Variants in TRIM24 observed in about 807,000 individuals in gnomAD.
TRIM24 encodes the protein tripartite motif containing 24.
A neutral mutation model predicts 123.9 loss-of-function variants in TRIM24; 29 were observed. That is an observed-to-expected ratio of 0.23 (90% CI 0.17 to 0.32). The LOEUF (loss-of-function observed/expected upper bound fraction) is 0.32, where lower values mean the gene tolerates loss of function less well. Ranked by LOEUF, TRIM24 falls within the 10% of genes least tolerant of loss-of-function variation. The probability of loss-of-function intolerance (pLI) is 1.00; values close to 1 mark genes in which losing one functional copy is unlikely to be tolerated. For synonymous variants in TRIM24, 456 were observed against 461.1 expected (o/e 0.99, Z 0.14); for missense variants, 932 against 1,295.3 (o/e 0.72, Z 4.31).
chr7:138,506,758 G>T (rs1276848523), intron 2 of TRIM24, among the ~76,000 whole-genome samples: 2 of 152,184 alleles, frequency 1.3e-5, no homozygotes, highest in African/African-American at 4.8e-5. Flanking sequence ...CCTAAATGTT[G>T]ATACTGGGCA....
At chr7:138,464,300 T>G (rs1438584760) in intron 1 of TRIM24, among the ~76,000 whole-genome samples, 2 of 151,884 alleles carry the variant, frequency 1.3e-5, no homozygotes, top group Non-Finnish European at 2.9e-5. Flanking sequence ...CCAGCCAAAT[T>G]TAGACATTGC....
chr7:138,566,520 G>T (rs10237069), intron 9 of TRIM24, among the ~76,000 whole-genome samples: 2,775 of 152,048 alleles, frequency 0.018, 70 homozygotes, highest in African/African-American at 0.061. Flanking sequence ...ACAAAAAACA[G>T]AAAATGTTTT....
intron 1 of TRIM24, among the ~76,000 whole-genome samples, chr7:138,492,505 G>A (rs1401456509): frequency 6.6e-6 from 1 of 152,158 alleles, no homozygotes; most frequent in South Asian, 2.1e-4. Flanking sequence ...ATCCTGCAAA[G>A]TAGCAGAGTA....
At chr7:138,461,171 G>T (rs764779329) in intron 1 of TRIM24, 1 of 700,448 alleles carries the variant, frequency 1.4e-6, no homozygotes, top group Non-Finnish European at 2.6e-6. Context: ...ATTCTCAACA[G>T]CCGGGCGGCC....
At chr7:138,532,835 C>G (rs1796777307) in intron 6 of TRIM24, among the ~76,000 whole-genome samples, 1 of 152,156 alleles carries the variant, frequency 6.6e-6, no homozygotes, top group Admixed American at 6.5e-5. Flanking sequence ...TTGATTCTTC[C>G]TATCCATGAG....
Position 138,580,667 on chromosome 7 carries a change from T to G in TRIM24, c.2691T>G (p.Leu897=). The G allele has an allele frequency of 6.2e-7, 1 of 1,613,902 alleles. No homozygotes were observed. The change falls in exon 16 of 19, where the codon CTT becomes CTG. Residue 897 remains leucine, a synonymous_variant. Coordinates refer to ENST00000343526, the MANE Select transcript of TRIM24 (RefSeq NM_015905.3). ...CAGAAAAAAAGAAAACTGAAGGCCT[T>G]GTTAAGTTAACACCTATAGATAAAA... ...HNSEKKKTEG[L]VKLTPIDKRK...
intron 2 of TRIM24, among the ~76,000 whole-genome samples, chr7:138,509,577 G>T (rs533515385): frequency 1.3e-5 from 2 of 150,134 alleles, no homozygotes; most frequent in South Asian, 2.1e-4. Flanking sequence ...GGTGGCACCT[G>T]CATGTAATCC....
intron 9 of TRIM24, among the ~76,000 whole-genome samples, chr7:138,564,155 G>A (rs1201549943): frequency 1.3e-5 from 2 of 152,192 alleles, no homozygotes; most frequent in African/African-American, 4.8e-5. Context: ...TAGGAGATCA[G>A]TGGTTGTAAA....
intron 1 of TRIM24, among the ~76,000 whole-genome samples, chr7:138,482,299 A>G (rs1795546354): frequency 6.6e-6 from 1 of 152,116 alleles, no homozygotes; most frequent in South Asian, 2.1e-4. Flanking sequence ...CCCCTTACCA[A>G]TACCTGTAAT....
At chr7:138,497,513 C>T (rs985775104) in intron 1 of TRIM24, among the ~76,000 whole-genome samples, 9 of 149,684 alleles carry the variant, frequency 6.0e-5, no homozygotes, top group Non-Finnish European at 1.2e-4. Context: ...CTCCCTGCCT[C>T]AGCCTCCCAA....
intron 1 of TRIM24, 197 bp downstream of exon 1, chr7:138,461,109 T>G: frequency 2.8e-6 from 2 of 705,210 alleles, no homozygotes; most frequent in Non-Finnish European, 2.5e-6. Flanking sequence ...GGCCAGCAAC[T>G]TCCCCGGGCG....
At chr7:138,501,935 C>T (rs1289864454) in intron 1 of TRIM24, among the ~76,000 whole-genome samples, 1 of 151,500 alleles carries the variant, frequency 6.6e-6, no homozygotes, top group Non-Finnish European at 1.5e-5. Context: ...TCATGCAGCT[C>T]ATGATTGTAT....
chr7:138,480,680 A>G (rs1795506604), intron 1 of TRIM24, among the ~76,000 whole-genome samples: 1 of 152,162 alleles, frequency 6.6e-6, no homozygotes, highest in Non-Finnish European at 1.5e-5. Flanking sequence ...CTGATCATAG[A>G]GAAGGTGAAC....
chr7:138,528,293 C>T (rs1001565227), intron 5 of TRIM24, among the ~76,000 whole-genome samples: 1 of 152,114 alleles, frequency 6.6e-6, no homozygotes, highest in Non-Finnish European at 1.5e-5. Context: ...TTTACTCATA[C>T]CATAGGAGAA....
chr7:138,477,640 A>G (rs1398338853), intron 1 of TRIM24, among the ~76,000 whole-genome samples: 2 of 152,196 alleles, frequency 1.3e-5, no homozygotes, highest in African/African-American at 2.4e-5. Context: ...GCACAAAAAA[A>G]CTTATATTGC....
At chr7:138,516,819 T>TG (rs1356426117) in intron 3 of TRIM24, among the ~76,000 whole-genome samples, 1 of 151,588 alleles carries the variant, frequency 6.6e-6, no homozygotes, top group East Asian at 1.9e-4. Flanking sequence ...TTTTGTTTTT[T>TG]TTTTTTTTTT....
At chr7:138,544,144 T>C (rs971532996) in intron 7 of TRIM24, among the ~76,000 whole-genome samples, 8 of 152,206 alleles carry the variant, frequency 5.3e-5, no homozygotes, top group African/African-American at 1.9e-4. Flanking sequence ...TTATTCATTC[T>C]ACCTACCTGG....
chr7:138,554,755 T>C lies in TRIM24; in HGVS notation c.1319T>C (p.Val440Ala). ...SQPQMPKQNP[V>A]VEQNSQPPSG... ...CCACAAATGCCTAAGCAGAATCCTG[T>C]CGTGGAACAGAATTCACAGCCACCA... Residue 440 changes from valine to alanine, a missense_variant, in exon 9 of 19, where the codon GTC becomes GCC. Coordinates refer to ENST00000343526, the MANE Select transcript of TRIM24 (RefSeq NM_015905.3). The surrounding 1 kb of genome is among the most constrained non-coding windows in gnomAD (Gnocchi z 4.5). 6.2e-7 allele frequency: 1 copy of C among 1,614,202 alleles called. No individual in the cohort carries two copies. Among genetic ancestry groups the C allele is most frequent in the South Asian group, 1.1e-5 (1 of 91,086 alleles).
chr7:138,540,328 A>G (rs1796977181), intron 7 of TRIM24, among the ~76,000 whole-genome samples: 2 of 152,210 alleles, frequency 1.3e-5, no homozygotes, highest in Non-Finnish European at 1.5e-5. Context: ...TTTACCTACA[A>G]TAGAACTTCT....
Sources: allele counts gnomAD v4.1 joint callset (sites outside exome capture counted in the v4.1 genomes callset), GRCh38; gene constraint gnomAD v4.1.1; non-coding constraint Gnocchi (gnomAD v3.1); transcripts MANE v1.5; gene names NCBI Gene and HGNC (gene_info 2026-07-23, HGNC 2026-07-21).